The following ZNF804B variants were observed in gnomAD, a reference collection of about 807,000 sequenced individuals.
ZNF804B encodes the protein zinc finger 804B.
ZNF804B carries 80 observed loss-of-function variants against 101.4 expected under a neutral mutation model. The observed-to-expected ratio is 0.79, with a 90% CI of 0.66 to 0.95. ZNF804B has a LOEUF of 0.95. ZNF804B is among the 40% of genes least tolerant of loss of function. ZNF804B has a pLI of 0.00. For synonymous variants in ZNF804B, 622 were observed against 558.8 expected, an observed-to-expected ratio of 1.11 and a Z score of -1.59; for missense variants, 1,673 against 1,561.9, an observed-to-expected ratio of 1.07 and a Z score of -1.20.
intron 2 of ZNF804B, among the ~76,000 whole-genome samples, chr7:89,282,212 A>AAAAAC (rs1790110070): frequency 6.6e-6 from 1 of 151,522 alleles, no homozygotes; most frequent in Non-Finnish European, 1.5e-5. Flanking sequence ...AAAAAAAAAA[A>AAAAAC]AAAAAAATGT....
intron 1 of ZNF804B, among the ~76,000 whole-genome samples, chr7:88,972,855 A>T (rs998545333): frequency 2.6e-5 from 4 of 151,440 alleles, no homozygotes; most frequent in African/African-American, 7.3e-5. Context: ...GAAAGGAGAA[A>T]TACAGGAGTA....
chr7:89,305,431 A>G (rs1366506912), intron 2 of ZNF804B, among the ~76,000 whole-genome samples: 1 of 151,974 alleles, frequency 6.6e-6, no homozygotes, highest in Non-Finnish European at 1.5e-5. Context: ...AAATGTGTTA[A>G]CAAAGTAGAA....
Position 88,933,063 on chromosome 7 carries a change from C to T in ZNF804B, c.108+172979C>T, listed in dbSNP as rs555229553. ...AATTCCCAACAAAATATTAGCTAAC[C>T]AAATCCAACAGAATATCAAAAATAT... On this transcript the variant is annotated intron_variant, in intron 1 of 3. Coordinates refer to ENST00000333190, the MANE Select transcript of ZNF804B (RefSeq NM_181646.5). Among the ~76,000 whole-genome samples the T allele has an allele frequency of 8.7e-4, 132 of 151,558 alleles. 2 individuals are homozygous for T. Among genetic ancestry groups the T allele is most frequent in the Middle Eastern group, 3.4e-3 (1 of 294 alleles).
chr7:88,987,699 A>C (rs188793720), intron 1 of ZNF804B, among the ~76,000 whole-genome samples: 57 of 152,244 alleles, frequency 3.7e-4, no homozygotes, highest in African/African-American at 1.3e-3. Flanking sequence ...TGTGTAACAA[A>C]TAAGCCTGGG....
chr7:89,033,054 C>T (rs191265407), intron 1 of ZNF804B, among the ~76,000 whole-genome samples: 112 of 150,982 alleles, frequency 7.4e-4, no homozygotes, highest in African/African-American at 2.6e-3. Context: ...AAAAAAAAAC[C>T]GTATCCCTCC....
intron 1 of ZNF804B, among the ~76,000 whole-genome samples, chr7:88,817,460 T>C (rs1055365745): frequency 1.3e-5 from 2 of 152,052 alleles, no homozygotes; most frequent in African/African-American, 2.4e-5. Context: ...ACCTAATGGC[T>C]CTATGGTGGA....
intron 1 of ZNF804B, among the ~76,000 whole-genome samples, chr7:89,176,120 T>C (rs1791314780): frequency 6.6e-6 from 1 of 151,970 alleles, no homozygotes. Flanking sequence ...AAAGTGAGCC[T>C]CCATGTTGTG....
Position 89,048,348 on chromosome 7 carries a change from G to T in ZNF804B, c.109-169807G>T, listed in dbSNP as rs915445132. ...GAATGAAGTCTTTTTTAAAAGGACTGGTTTCTGTTTAACCTTCAGGGAAGA... is the reference window on the plus strand; with the variant it reads ...GAATGAAGTCTTTTTTAAAAGGACTTGTTTCTGTTTAACCTTCAGGGAAGA... On this transcript the variant is annotated intron_variant, in intron 1 of 3. Coordinates refer to ENST00000333190, the MANE Select transcript of ZNF804B (RefSeq NM_181646.5). Among the ~76,000 whole-genome samples the T allele has an allele frequency of 3.5e-4, 53 of 151,926 alleles. 1 individual carries two copies. The highest frequency in any genetic ancestry group is 1.1e-3 in the African/African-American group (47 of 41,304).
chr7:89,128,925 A>G (rs377718521), intron 1 of ZNF804B, among the ~76,000 whole-genome samples: 3 of 151,940 alleles, frequency 2.0e-5, no homozygotes, highest in East Asian at 1.9e-4. Flanking sequence ...AGGTGAAAGC[A>G]TTCACGTTCA....
Position 88,894,908 on chromosome 7 carries a change from T to C in ZNF804B, c.108+134824T>C, listed in dbSNP as rs566421008. ...GGTAGTTAAACTATCCTGTATAATATTGAGCTGGAGGATACTTGACCCTAT... is the reference window on the plus strand; with the variant it reads ...GGTAGTTAAACTATCCTGTATAATACTGAGCTGGAGGATACTTGACCCTAT... On this transcript the variant is annotated intron_variant, in intron 1 of 3. Transcript: ENST00000333190. 1.7e-3 allele frequency among the ~76,000 whole-genome samples: 255 copies of C among 152,190 alleles called. 3 individuals carry two copies. The highest frequency in any genetic ancestry group is 5.8e-3 in the African/African-American group (241 of 41,526).
chr7:89,084,520 T>G (rs969217738), intron 1 of ZNF804B, among the ~76,000 whole-genome samples: 4 of 151,928 alleles, frequency 2.6e-5, no homozygotes, highest in Non-Finnish European at 4.4e-5. Context: ...GTGTTTACAG[T>G]GGTAAGCATG....
At position 89,246,391 on chromosome 7, in the gene ZNF804B, T is replaced by G. The variant is rs1406436086; in HGVS notation, c.249+28096T>G. Among the ~76,000 whole-genome samples, 5 of 152,088 alleles carry G rather than the reference T, an allele frequency of 3.3e-5. No homozygotes were observed. In the South Asian group the frequency reaches 6.2e-4, roughly 19 times the overall value. On this transcript the variant is annotated intron_variant, in intron 2 of 3. Coordinates refer to ENST00000333190, the MANE Select transcript of ZNF804B (RefSeq NM_181646.5). ...ATCACAAGGCAGAAGTCTAGGCATT[T>G]GGAACACCTGCTTGCCTGGACCAGC...
intron 1 of ZNF804B, among the ~76,000 whole-genome samples, chr7:89,144,177 A>G (rs1790755938): frequency 6.6e-6 from 1 of 152,086 alleles, no homozygotes; most frequent in Admixed American, 6.6e-5. Context: ...AATTTGATTC[A>G]GATAGATCAC....
At chr7:89,021,607 G>T (rs1431711258) in intron 1 of ZNF804B, among the ~76,000 whole-genome samples, 1 of 152,194 alleles carries the variant, frequency 6.6e-6, no homozygotes. Flanking sequence ...TGCTGGAGGT[G>T]GCCTGTCAGG....
intron 1 of ZNF804B, among the ~76,000 whole-genome samples, chr7:89,015,666 T>C (rs1488164332): frequency 6.6e-6 from 1 of 152,184 alleles, no homozygotes; most frequent in Non-Finnish European, 1.5e-5. Context: ...GGACATGAAC[T>C]CATCATTTTT....
At chr7:89,098,398 G>A (rs753387561) in intron 1 of ZNF804B, among the ~76,000 whole-genome samples, 5 of 151,474 alleles carry the variant, frequency 3.3e-5, no homozygotes, top group Non-Finnish European at 7.4e-5. Context: ...TCAGTCTCCT[G>A]AGTATCTTGG....
At chr7:88,840,522 TA>T (rs1417337581) in intron 1 of ZNF804B, among the ~76,000 whole-genome samples, 1 of 152,178 alleles carries the variant, frequency 6.6e-6, no homozygotes, top group Non-Finnish European at 1.5e-5. Context: ...GTAATCTCCT[TA>T]AAATTGGGGA....
At chr7:89,164,259 T>C (rs1791109879) in intron 1 of ZNF804B, among the ~76,000 whole-genome samples, 1 of 152,112 alleles carries the variant, frequency 6.6e-6, no homozygotes, top group Non-Finnish European at 1.5e-5. Flanking sequence ...TGTCACAAGA[T>C]GTCCTATGTG....
At chr7:89,243,980 T>A (rs2115769838) in intron 2 of ZNF804B, among the ~76,000 whole-genome samples, 1 of 152,118 alleles carries the variant, frequency 6.6e-6, no homozygotes, top group South Asian at 2.1e-4. Context: ...CTTTAACACA[T>A]CCATTATATA....
Sources: gnomAD v4.1 joint callset for allele counts (sites outside exome capture counted in the v4.1 genomes callset) on GRCh38, gnomAD v4.1.1 for gene constraint, MANE v1.5 for transcripts, NCBI Gene and HGNC (gene_info 2026-07-23, HGNC 2026-07-21) for gene names.